The following IL1RAP variants were observed in gnomAD, a reference collection of about 807,000 sequenced individuals.
IL1RAP encodes the protein interleukin 1 receptor accessory protein, also known as interleukin-1 receptor accessory protein.
IL1RAP carries 35 observed loss-of-function variants against 60.7 expected under a neutral mutation model. The ratio of observed to expected loss-of-function variants is 0.58; its 90% CI spans 0.44 to 0.76. The LOEUF (loss-of-function observed/expected upper bound fraction) is 0.76, where lower values mean the gene tolerates loss of function less well. Among genes scored for constraint, IL1RAP ranks in the 30% least tolerant of loss-of-function variants. The pLI, the probability that IL1RAP is intolerant of heterozygous loss-of-function variation, is 0.00. For synonymous variants in IL1RAP, 268 were observed against 250.9 expected (o/e 1.07, Z -0.64); for missense variants, 572 against 693.9 (o/e 0.82, Z 1.97).
intron 1 of IL1RAP, among the ~76,000 whole-genome samples, chr3:190,544,487 C>CT (rs1396008711): frequency 2.0e-5 from 3 of 152,146 alleles, no homozygotes; most frequent in Non-Finnish European, 2.9e-5. Context: ...GAATTTCCTA[C>CT]TTTTTTCCCA....
rs1733087344 is a variant in IL1RAP at position 190,634,810 on chromosome 3, G to A, written c.1051+5312G>A. 2.0e-5 allele frequency among the ~76,000 whole-genome samples: 3 copies of A among 149,984 alleles called. No individual in the cohort carries two copies. In the Admixed American group the frequency reaches 2.0e-4, roughly 10 times the overall value. On this transcript the variant is annotated intron_variant, in intron 9 of 11. Transcript: ENST00000447382. ...GGCTCACTGCAAGCTCGGCCTCCCG[G>A]GTTCACGCCATTCTCCTGCCTCAGC...
Position 190,620,396 on chromosome 3 carries a change from G to A in IL1RAP, c.659G>A (p.Gly220Glu). ...TGTGTTGTTACATATCCAGAAAATG[G>A]ACGTACGTTTCATCTCACCAGGACT... is the stretch of plus-strand genomic sequence containing the variant. ...YTCVVTYPEN[G>E]RTFHLTRTLT... is the part of the protein sequence containing the mutation. Residue 220 changes from glycine to glutamate, a missense_variant, in exon 6 of 12, where the codon GGA (glycine) becomes GAA (glutamate). Gly to Glu is a moderately conservative substitution (Grantham distance 98). Transcript: ENST00000447382. 6.2e-7 allele frequency: 1 copy of A among 1,612,696 alleles called. No individual in the cohort carries two copies. The highest frequency in any genetic ancestry group is 8.5e-7 in the Non-Finnish European group (1 of 1,179,568).
chr3:190,654,592 A>C (rs1390407302), downstream of IL1RAP, among the ~76,000 whole-genome samples: 34 of 152,260 alleles, frequency 2.2e-4, no homozygotes, highest in Non-Finnish European at 5.9e-5. Flanking sequence ...TTCATGTTAA[A>C]TCCACTGATT....
At chr3:190,587,440 C>T (rs945069986) in intron 3 of IL1RAP, among the ~76,000 whole-genome samples, 1 of 152,202 alleles carries the variant, frequency 6.6e-6, no homozygotes, top group African/African-American at 2.4e-5. Context: ...GTGAATGGTA[C>T]TGGTAGTTCC....
chr3:190,627,728 G>A (rs1241464129), intron 8 of IL1RAP, among the ~76,000 whole-genome samples: 1 of 152,146 alleles, frequency 6.6e-6, no homozygotes, highest in Non-Finnish European at 1.5e-5. Flanking sequence ...GCACCCTATT[G>A]TCTTAAGCCC....
chr3:190,623,542 T>A, intron 7 of IL1RAP, 127 bp downstream of exon 7: 1 of 760,966 alleles, frequency 1.3e-6, no homozygotes, highest in Non-Finnish European at 2.2e-6. Flanking sequence ...AACTGAAATG[T>A]CAGAAACCAA....
chr3:190,553,513 T>G (rs1725054371), intron 1 of IL1RAP, among the ~76,000 whole-genome samples: 1 of 152,162 alleles, frequency 6.6e-6, no homozygotes. Flanking sequence ...AGAAACTTAA[T>G]TGCTCTCCAA....
chr3:190,624,611 C>A, intron 7 of IL1RAP: 1 of 118,342 alleles, frequency 8.5e-6, no homozygotes, highest in Non-Finnish European at 1.9e-5. Flanking sequence ...GGAGAGGATG[C>A]CATTCAATAA....
chr3:190,516,549 C>A (rs1721537544), intron 1 of IL1RAP, among the ~76,000 whole-genome samples: 1 of 152,128 alleles, frequency 6.6e-6, no homozygotes, highest in African/African-American at 2.4e-5. Flanking sequence ...ATATATGATA[C>A]TCCTTGTTAC....
At chr3:190,605,268 G>A (rs1422701032) in intron 4 of IL1RAP, among the ~76,000 whole-genome samples, 1 of 150,520 alleles carries the variant, frequency 6.6e-6, no homozygotes, top group Non-Finnish European at 1.5e-5. Flanking sequence ...TGAAAGTTTT[G>A]TAGATTTTAT....
At chr3:190,623,312 A>T in intron 6 of IL1RAP, 32 bp from the exon 7 acceptor site, 1 of 1,536,960 alleles carries the variant, frequency 6.5e-7, no homozygotes. Flanking sequence ...CTGATTTAAC[A>T]TCATCTCCCT....
Position 190,556,223 on chromosome 3 carries a change from C to T in IL1RAP, c.-2+7C>T, listed in dbSNP as rs192186686. 6 of 152,198 alleles carry T rather than the reference C, an allele frequency of 3.9e-5. No homozygotes were observed. The highest frequency in any genetic ancestry group is 1.4e-4 in the African/African-American group (6 of 41,536). The allele number at this position is 152,198 out of a possible 1,614,324, so 9.4% of individuals were successfully genotyped here. A position where few individuals can be genotyped will look rare whatever the true frequency, so the allele number is the denominator to read the frequency against. Reference sequence around the variant, plus strand: ...TCCCTTTAATATCTCAAAGGTAATTCATTTTCTGATTTAAATTAAGCAATT... The same window carrying T: ...TCCCTTTAATATCTCAAAGGTAATTTATTTTCTGATTTAAATTAAGCAATT... On this transcript the variant is annotated splice_region_variant and intron_variant, in intron 2 of 11. Coordinates refer to ENST00000447382, the MANE Select transcript of IL1RAP (RefSeq NM_002182.4).
chr3:190,592,882 A>T (rs3773957), intron 3 of IL1RAP, among the ~76,000 whole-genome samples: 126,935 of 152,232 alleles, frequency 0.83, 53,177 homozygotes, highest in African/African-American at 0.91. Flanking sequence ...CTTTGTAATG[A>T]TTTGTCCATA....
At chr3:190,552,941 CT>C (rs1409381943) in intron 1 of IL1RAP, among the ~76,000 whole-genome samples, 1 of 152,146 alleles carries the variant, frequency 6.6e-6, no homozygotes. Context: ...TTTTAACTCC[CT>C]TAATACTCGA....
At chr3:190,602,686 A>G (rs376921201) in intron 3 of IL1RAP, among the ~76,000 whole-genome samples, 11 of 152,360 alleles carry the variant, frequency 7.2e-5, no homozygotes, top group African/African-American at 2.4e-4. Context: ...GGATGTAATT[A>G]AAAGAATGAT....
At chr3:190,561,029 T>C (rs1381289677) in intron 2 of IL1RAP, among the ~76,000 whole-genome samples, 3 of 152,076 alleles carry the variant, frequency 2.0e-5, no homozygotes, top group Non-Finnish European at 2.9e-5. Context: ...TGGGAAGATA[T>C]TATATGTAGG....
At chr3:190,594,184 TC>T (rs2108726269) in intron 3 of IL1RAP, among the ~76,000 whole-genome samples, 1 of 152,282 alleles carries the variant, frequency 6.6e-6, no homozygotes, top group Non-Finnish European at 1.5e-5. Context: ...ATTCAATACA[TC>T]AGGATGGGTT....
At chr3:190,646,993 A>G (rs1734060415) in intron 11 of IL1RAP, among the ~76,000 whole-genome samples, 3 of 152,242 alleles carry the variant, frequency 2.0e-5, no homozygotes, top group Admixed American at 6.5e-5. Context: ...CAGCCATTCA[A>G]TAAATACTTA....
Position 190,648,901 on chromosome 3 carries a change from A to G in IL1RAP, c.*196A>G, listed in dbSNP as rs932681722. The stretch of plus-strand genomic sequence containing the variant: ...ACTAAAGTTTAGAAAGATATCATCA[A>G]CGTTCTGTCACCAGTCTCTGATGCC... On this transcript the variant is annotated 3_prime_UTR_variant, in exon 12 of 12. Transcript: ENST00000447382. 17 of 1,368,362 alleles carry G rather than the reference A, an allele frequency of 1.2e-5. No homozygotes were observed. The East Asian group carries it at 3.8e-4, about 31-fold the overall frequency. The allele number at this position is 1,368,362 out of a possible 1,614,324, so 84.8% of individuals were successfully genotyped here. A position where few individuals can be genotyped will look rare whatever the true frequency, so the allele number is the denominator to read the frequency against.
Sources: gnomAD v4.1 joint callset for allele counts (sites outside exome capture counted in the v4.1 genomes callset) on GRCh38, gnomAD v4.1.1 for gene constraint, MANE v1.5 for transcripts, NCBI Gene and HGNC (gene_info 2026-07-23, HGNC 2026-07-21) for gene names.